Variants in SLC38A11 observed in about 807,000 individuals in gnomAD.
The protein encoded by SLC38A11 is putative sodium-coupled neutral amino acid transporter 11.
In SLC38A11, 51 loss-of-function variants were observed where a neutral mutation model predicts 49.4. The observed-to-expected ratio is 1.03, with a 90% CI of 0.83 to 1.30. SLC38A11 has a LOEUF of 1.30. SLC38A11 is among the 50% of genes most tolerant of loss of function. SLC38A11 has a pLI of 0.00. For missense variants in SLC38A11, 574 were observed against 556.2 expected (o/e 1.03, Z -0.32); for synonymous variants, 203 against 192.9 (o/e 1.05, Z -0.43).
intron 3 of SLC38A11, among the ~76,000 whole-genome samples, chr2:164,951,982 T>G (rs1025119917): frequency 9.9e-6 from 1 of 101,312 alleles, no homozygotes; most frequent in Non-Finnish European, 2.0e-5. Flanking sequence ...TTTTGATCAT[T>G]GCCACCACCT....
At chr2:164,949,477 C>T (rs1239777765) in intron 3 of SLC38A11, among the ~76,000 whole-genome samples, 1 of 152,092 alleles carries the variant, frequency 6.6e-6, no homozygotes, top group Admixed American at 6.5e-5. Flanking sequence ...AGGCTGGTCT[C>T]GAATTTCTGA....
chr2:164,895,626 C>G lies in SLC38A11; in HGVS notation c.*2811G>C, dbSNP rs1405110072. 1.3e-5 allele frequency: 2 copies of G among 152,208 alleles called. No individual in the cohort carries two copies. Among genetic ancestry groups the G allele is most frequent in the Middle Eastern group, 3.4e-3 (1 of 294 alleles). The allele number at this position is 152,208 out of a possible 1,614,324, so 9.4% of individuals were successfully genotyped here. On this transcript the variant is annotated 3_prime_UTR_variant, in exon 12 of 12. Coordinates refer to ENST00000685975, the MANE Select transcript of SLC38A11 (RefSeq NM_001351537.2). ...GGATGCAGTCTCCTTTTAAGAAAGA[C>G]AAGGGGCAACAATTATTGTTTGGCA...
rs1333961344 is a variant in SLC38A11, at chr2:164,955,496, C to T, written c.-249G>A. On this transcript the variant is annotated 5_prime_UTR_variant, in exon 1 of 12. Coordinates refer to ENST00000685975, the MANE Select transcript of SLC38A11 (RefSeq NM_001351537.2). ...TCGCCCAGACAAATGTATTTTTCCT[C>T]CGGAGACGGAGATGCTGCAGGATGT... 5.6e-6 allele frequency: 3 copies of T among 537,530 alleles called. No individual in the cohort carries two copies. In the East Asian group the frequency reaches 9.6e-5, roughly 17 times the overall value. 33.3% of individuals were successfully genotyped at this position (537,530 alleles called of 1,614,324 possible). A position where few individuals can be genotyped will look rare whatever the true frequency, so the allele number is the denominator to read the frequency against.
In SLC38A11 at chr2:164,928,859, C is replaced by G. The variant is rs552739254; in HGVS notation, c.617+8491G>C. On this transcript the variant is annotated intron_variant, in intron 7 of 11. Coordinates refer to ENST00000685975, the MANE Select transcript of SLC38A11 (RefSeq NM_001351537.2). The stretch of plus-strand genomic sequence containing the variant: ...ACAATTTACTCCTTATATTCTTATC[C>G]TATTGTTTCAAAAGGACAAAGTATC... Among the ~76,000 whole-genome samples, 34 of 152,152 alleles carry G rather than the reference C, an allele frequency of 2.2e-4. 1 individual carries two copies. The South Asian group carries it at 7.1e-3, about 32-fold the overall frequency.
At chr2:164,947,188 G>C (rs115109805) in intron 3 of SLC38A11, among the ~76,000 whole-genome samples, 2,498 of 136,232 alleles carry the variant, frequency 0.018, 76 homozygotes, top group African/African-American at 0.067. Flanking sequence ...TTGGAGTGCA[G>C]TGGTGCCATC....
chr2:164,913,757 A>C (rs1685569428), intron 9 of SLC38A11, among the ~76,000 whole-genome samples: 1 of 152,086 alleles, frequency 6.6e-6, no homozygotes, highest in Non-Finnish European at 1.5e-5. Context: ...CTATGTAGCA[A>C]TAGTGATACA....
chr2:164,920,037 AG>A (rs1488295412), intron 7 of SLC38A11, among the ~76,000 whole-genome samples: 3 of 152,170 alleles, frequency 2.0e-5, no homozygotes, highest in African/African-American at 7.2e-5. Flanking sequence ...GCACTTTGAG[AG>A]ACTGAGGGAG....
At chr2:164,921,652 A>G (rs914245739) in intron 7 of SLC38A11, among the ~76,000 whole-genome samples, 1 of 152,196 alleles carries the variant, frequency 6.6e-6, no homozygotes, top group Non-Finnish European at 1.5e-5. Flanking sequence ...CTTTTGAGAA[A>G]AATAAACACG....
intron 11 of SLC38A11, among the ~76,000 whole-genome samples, chr2:164,903,542 G>T (rs1195355816): frequency 6.6e-6 from 1 of 152,120 alleles, no homozygotes; most frequent in Non-Finnish European, 1.5e-5. Flanking sequence ...TCTTACTAAA[G>T]GTTGTTGCTA....
At chr2:164,900,350 T>G (rs558573757) in intron 11 of SLC38A11, among the ~76,000 whole-genome samples, 2 of 152,190 alleles carry the variant, frequency 1.3e-5, no homozygotes, top group South Asian at 4.1e-4. Context: ...AATGGTTCTA[T>G]TTTTAATTTC....
chr2:164,946,602 C>G (rs562457793), intron 3 of SLC38A11, among the ~76,000 whole-genome samples: 19 of 149,980 alleles, frequency 1.3e-4, no homozygotes, highest in African/African-American at 4.2e-4. Flanking sequence ...TTTTAAGAAA[C>G]TTCAATTGAA....
chr2:164,907,991 T>C (rs145943107), intron 11 of SLC38A11: 409 of 152,308 alleles, frequency 2.7e-3, no homozygotes, highest in African/African-American at 9.1e-3. Flanking sequence ...AAAGCAGAAC[T>C]TAAATACATG....
At chr2:164,915,364 G>T in intron 8 of SLC38A11, 91 bp from the exon 9 acceptor site, 3 of 1,111,854 alleles carry the variant, frequency 2.7e-6, no homozygotes, top group South Asian at 1.7e-5. Flanking sequence ...TACTTTAGAT[G>T]CCAATGAACT....
Position 164,945,692 on chromosome 2 carries a change from G to A in SLC38A11, c.265C>T (p.Leu89Phe), listed in dbSNP as rs747625648. 2 of 1,609,528 alleles carry A rather than the reference G, an allele frequency of 1.2e-6. No individual in the cohort carries two copies. The highest frequency in any genetic ancestry group is 1.7e-5 in the Admixed American group (1 of 58,582). Residue 89 changes from leucine (L) to phenylalanine (F), a missense_variant, in exon 4 of 12, where the codon CTC (leucine) becomes TTC (phenylalanine). By Grantham distance (22) the Leu-to-Phe change is conservative. Coordinates refer to ENST00000685975, the MANE Select transcript of SLC38A11 (RefSeq NM_001351537.2). Reference sequence around the variant, plus strand: ...GACTGGTAGGTATCTGTTCCAGAGAGGGCCCCTCCTTTTATCAATAAAACA... The same window carrying A: ...GACTGGTAGGTATCTGTTCCAGAGAAGGCCCCTCCTTTTATCAATAAAACA... ...SLVLLIKGGA[L>F]SGTDTYQSLV...
At chr2:164,935,097 C>T (rs12991763) in intron 7 of SLC38A11, among the ~76,000 whole-genome samples, 10,481 of 152,094 alleles carry the variant, frequency 0.069, 395 homozygotes, top group Admixed American at 0.1. Flanking sequence ...ATTAAGCACC[C>T]GTTACTTTGG....
chr2:164,923,590 G>C (rs1393510023), intron 7 of SLC38A11, among the ~76,000 whole-genome samples: 1 of 151,968 alleles, frequency 6.6e-6, no homozygotes, highest in Non-Finnish European at 1.5e-5. Flanking sequence ...ACAAAAAACA[G>C]ATGCTTCCAG....
intron 10 of SLC38A11, among the ~76,000 whole-genome samples, chr2:164,910,457 TA>T (rs201105947): frequency 4.1e-4 from 62 of 151,662 alleles, no homozygotes; most frequent in African/African-American, 1.5e-3. Flanking sequence ...CTCTTAAATT[TA>T]AAAAAAAATT....
chr2:164,915,381 T>A (rs1685709551), intron 8 of SLC38A11, 108 bp from the exon 9 acceptor site: 5 of 917,872 alleles, frequency 5.4e-6, no homozygotes, highest in Non-Finnish European at 8.0e-6. Context: ...AACTGAAGTT[T>A]AAACATACAA....
chr2:164,947,453 G>A (rs141270460), intron 3 of SLC38A11, among the ~76,000 whole-genome samples: 31 of 151,990 alleles, frequency 2.0e-4, no homozygotes, highest in African/African-American at 7.5e-4. Context: ...CCTTCAAGAT[G>A]TACTAGTGTG....
Sources: allele counts gnomAD v4.1 joint callset (sites outside exome capture counted in the v4.1 genomes callset), GRCh38; gene constraint gnomAD v4.1.1; transcripts MANE v1.5; gene names NCBI Gene and HGNC (gene_info 2026-07-23, HGNC 2026-07-21).